Variants in TSC22D4 observed in about 807,000 individuals in gnomAD.
TSC22D4 encodes TSC22 domain family protein 4.
In TSC22D4, 5 loss-of-function variants were observed where a neutral mutation model predicts 24.9. The ratio of observed to expected loss-of-function variants is 0.20; its 90% CI spans 0.10 to 0.42. The LOEUF is 0.42. Among genes scored for constraint, TSC22D4 ranks in the 10% least tolerant of loss-of-function variants. The pLI, the probability that TSC22D4 is intolerant of heterozygous loss-of-function variation, is 1.00. For synonymous variants in TSC22D4, 245 were observed against 243.2 expected (o/e 1.01, Z -0.07); for missense variants, 469 against 547.9 (o/e 0.86, Z 1.44).
At position 100,474,381 on chromosome 7, in the gene TSC22D4, G is replaced by T. The variant is rs1331894027; in HGVS notation, c.822C>A (p.Ser274Arg). The change falls in exon 3 of 5, where the codon AGC becomes AGA. Residue 274 changes from serine (S) to arginine (R), a missense_variant. Coordinates refer to ENST00000300181, the MANE Select transcript of TSC22D4 (RefSeq NM_030935.5). This position sits in a 1 kb window ranked among gnomAD's most constrained non-coding sequence, Gnocchi z 4.3. ...SPALYFTHDA[S>R]LVHKSPDPFG... is the part of the protein sequence containing the mutation. ...AGGGGTCTGGAGATTTGTGAACCAG[G>T]CTGGCATCGTGGGTGAAGTAGAGGG... 1 of 1,614,034 alleles carries T rather than the reference G, an allele frequency of 6.2e-7. No homozygotes were observed. The highest frequency in any genetic ancestry group is 8.5e-7 in the Non-Finnish European group (1 of 1,180,036).
chr7:100,469,284 A>C (rs1455555358), intron 3 of TSC22D4, among the ~76,000 whole-genome samples: 1 of 150,628 alleles, frequency 6.6e-6, no homozygotes, highest in African/African-American at 2.4e-5. Context: ...GGGGTCTCAG[A>C]GGAAGCGAGG....
intron 3 of TSC22D4, among the ~76,000 whole-genome samples, chr7:100,469,255 G>T (rs1054123077): frequency 5.3e-5 from 8 of 151,146 alleles, no homozygotes; most frequent in Non-Finnish European, 7.4e-5. Context: ...AATCGCCTAT[G>T]GGCCTGGGAC....
rs1037199615 is a variant in TSC22D4 at position 100,478,155 on chromosome 7, C to T, written c.-117G>A. 3.3e-5 allele frequency: 27 copies of T among 827,450 alleles called. No homozygotes were observed. Among genetic ancestry groups the T allele is most frequent in the Non-Finnish European group, 4.4e-5 (25 of 564,226 alleles). 51.3% of individuals were successfully genotyped at this position (827,450 alleles called of 1,614,324 possible). A position where few individuals can be genotyped will look rare whatever the true frequency, so the allele number is the denominator to read the frequency against. ...GCGGGGACATCCGAGCCCCTGGGGACGTCTGGGTCCGACATGGCAGGAGGG... is the reference window on the plus strand; with the variant it reads ...GCGGGGACATCCGAGCCCCTGGGGATGTCTGGGTCCGACATGGCAGGAGGG... On this transcript the variant is annotated 5_prime_UTR_variant, in exon 2 of 5. Coordinates refer to ENST00000300181, the MANE Select transcript of TSC22D4 (RefSeq NM_030935.5).
intron 3 of TSC22D4, chr7:100,468,013 C>G (rs1309451426): frequency 1.7e-5 from 8 of 467,846 alleles, no homozygotes; most frequent in Admixed American, 1.0e-4. Context: ...GCCTGGGGGG[C>G]TCAGAGCCCC....
At chr7:100,468,166 T>C in intron 3 of TSC22D4, 2 of 298,876 alleles carry the variant, frequency 6.7e-6, no homozygotes, top group South Asian at 2.6e-5. Context: ...GGACCCCCCC[T>C]CCTTTCAGCT....
chr7:100,474,123 A>G lies in TSC22D4; in HGVS notation c.929+151T>C, dbSNP rs1799446358. The G allele has an allele frequency of 1.5e-5, 14 of 946,830 alleles. No individual in the cohort carries two copies. The highest frequency in any genetic ancestry group is 2.4e-5 in the Admixed American group (1 of 41,032). The allele number at this position is 946,830 out of a possible 1,614,324, so 58.7% of individuals were successfully genotyped here. A position where few individuals can be genotyped will look rare whatever the true frequency, so the allele number is the denominator to read the frequency against. ...AGTGGGTCCGAAATCAACTGTGTGC[A>G]GTGGCTATGCCCAGGCCAGGTTTCT... On this transcript the variant is annotated intron_variant, in intron 3 of 4. Coordinates refer to ENST00000300181, the MANE Select transcript of TSC22D4 (RefSeq NM_030935.5). The surrounding 1 kb of genome is among the most constrained non-coding windows in gnomAD (Gnocchi z 4.3).
rs774716563 is a variant in TSC22D4 at position 100,466,921 on chromosome 7, C to T, written c.*38G>A. 8.7e-6 allele frequency: 13 copies of T among 1,490,914 alleles called. No homozygotes were observed. The highest frequency in any genetic ancestry group is 4.6e-5 in the Admixed American group (2 of 43,948). The allele number at this position is 1,490,914 out of a possible 1,614,324, so 92.4% of individuals were successfully genotyped here. A position where few individuals can be genotyped will look rare whatever the true frequency, so the allele number is the denominator to read the frequency against. On this transcript the variant is annotated 3_prime_UTR_variant, in exon 5 of 5. Transcript: ENST00000300181. ...AGGGGGCAGGCGGCTGACGCAAGGC[C>T]GGGCAGCCCCAAAGGCACATTGTAA...
At position 100,467,475 on chromosome 7, in the gene TSC22D4, A is replaced by G. The variant is rs1002133679; in HGVS notation, c.978+77T>C. ...AGCTGGGAGTTGGTGTTCCCTGGTA[A>G]GGAAGAGGACAGGGCTGGGGCAGAG... On this transcript the variant is annotated intron_variant, in intron 4 of 4. Transcript: ENST00000300181. 8 of 1,495,662 alleles carry G rather than the reference A, an allele frequency of 5.3e-6. No individual in the cohort carries two copies. In the African/African-American group the frequency reaches 1.1e-4, roughly 21 times the overall value. The allele number at this position is 1,495,662 out of a possible 1,614,324, so 92.6% of individuals were successfully genotyped here. A position where few individuals can be genotyped will look rare whatever the true frequency, so the allele number is the denominator to read the frequency against.
chr7:100,469,948 G>C (rs139861643), intron 3 of TSC22D4, among the ~76,000 whole-genome samples: 57 of 152,160 alleles, frequency 3.7e-4, no homozygotes, highest in African/African-American at 1.3e-3. Flanking sequence ...AGGCCTGAGC[G>C]AGCAGGATGG....
At position 100,477,814 on chromosome 7, in the gene TSC22D4, C is replaced by T. The variant is rs1484192170; in HGVS notation, c.225G>A (p.Val75=). The change falls in exon 2 of 5, where the codon GTG becomes GTA. Residue 75 remains valine (V), a synonymous_variant. Transcript: ENST00000300181. This position sits in a 1 kb window ranked among gnomAD's most constrained non-coding sequence, Gnocchi z 7.8. Reference sequence around the variant, plus strand: ...GCTCTCCCAGGCCGTGGGGCAGCTTCACCACCCGGAAACGGGAGGAAGGGG... The same window carrying T: ...GCTCTCCCAGGCCGTGGGGCAGCTTTACCACCCGGAAACGGGAGGAAGGGG... ...PGAPSSRFRV[V]KLPHGLGEPY... 1.2e-6 allele frequency: 2 copies of T among 1,607,150 alleles called. No homozygotes were observed. The highest frequency in any genetic ancestry group is 1.7e-5 in the Admixed American group (1 of 59,792).
chr7:100,470,448 T>C (rs1584347970), intron 3 of TSC22D4, among the ~76,000 whole-genome samples: 1 of 152,140 alleles, frequency 6.6e-6, no homozygotes, highest in Non-Finnish European at 1.5e-5. Flanking sequence ...TGAGCCACCA[T>C]GCCCAGCTAA....
intron 3 of TSC22D4, among the ~76,000 whole-genome samples, chr7:100,471,867 G>T (rs1584348970): frequency 6.6e-6 from 1 of 152,132 alleles, no homozygotes; most frequent in Non-Finnish European, 1.5e-5. Context: ...CCGGACCCAA[G>T]GGAGGCACTG....
At chr7:100,470,624 CA>C (rs1799373959) in intron 3 of TSC22D4, among the ~76,000 whole-genome samples, 1 of 152,078 alleles carries the variant, frequency 6.6e-6, no homozygotes, top group Admixed American at 6.6e-5. Context: ...AACATTCTAA[CA>C]CACACTTCAA....
chr7:100,476,949 C>T (rs750491364), intron 2 of TSC22D4, among the ~76,000 whole-genome samples: 21 of 152,164 alleles, frequency 1.4e-4, no homozygotes, highest in Non-Finnish European at 2.5e-4. Flanking sequence ...CCTCCACCCT[C>T]ATCACCTAGA....
Position 100,477,721 on chromosome 7 carries a change from G to T in TSC22D4, c.318C>A (p.Gly106=). 6 of 1,600,572 alleles carry T rather than the reference G, an allele frequency of 3.7e-6. No individual in the cohort carries two copies. The South Asian group carries it at 5.5e-5, about 15-fold the overall frequency. The change falls in exon 2 of 5, where the codon GGC becomes GGA. Residue 106 remains glycine (G), a synonymous_variant. Transcript: ENST00000300181. The surrounding 1 kb of genome is among the most constrained non-coding windows in gnomAD (Gnocchi z 7.8). ...YERDLEPHSF[G]GLLEGIRGAS... The stretch of plus-strand genomic sequence containing the variant: ...CCCCTCGAATTCCCTCCAGGAGTCC[G>T]CCGAAGCTGTGGGGCTCCAGGTCTC...
Position 100,477,896 on chromosome 7 carries a change from G to C in TSC22D4, c.143C>G (p.Pro48Arg), listed in dbSNP as rs1174164581. The change falls in exon 2 of 5, where the codon CCC becomes CGC. Residue 48 changes from proline (P) to arginine (R), a missense_variant. Physicochemically the swap from Pro to Arg is moderately radical, Grantham distance 103. Transcript: ENST00000300181. This position sits in a 1 kb window ranked among gnomAD's most constrained non-coding sequence, Gnocchi z 7.8. ...GPPPRLPNGEPSPDPGGKGTP... is the reference protein window; with the variant it reads ...GPPPRLPNGERSPDPGGKGTP... ...GCCCTTGCCCCCCGGATCGGGGCTG[G>C]GCTCCCCATTGGGCAGGCGGGGCGG... 17 of 1,570,856 alleles carry C rather than the reference G, an allele frequency of 1.1e-5. No individual in the cohort carries two copies. The highest frequency in any genetic ancestry group is 1.3e-5 in the African/African-American group (1 of 74,272).
intron 3 of TSC22D4, among the ~76,000 whole-genome samples, chr7:100,470,304 C>T (rs928888106): frequency 6.6e-6 from 1 of 152,114 alleles, no homozygotes; most frequent in African/African-American, 2.4e-5. Context: ...TTCTGTTTGT[C>T]TAGCGCCTGG....
chr7:100,468,025 C>CG (rs754424800), intron 3 of TSC22D4: 1 of 455,742 alleles, frequency 2.2e-6, no homozygotes, highest in South Asian at 1.6e-5. Context: ...CAGAGCCCCC[C>CG]GGGCAGAGCA....
Position 100,466,962 on chromosome 7 carries a change from G to A in TSC22D4, c.1185C>T (p.Val395=), listed in dbSNP as rs1132386. Residue 395 remains valine (V), a synonymous_variant, in exon 5 of 5, where the codon GTC becomes GTT. Transcript: ENST00000300181. ...LGPPAPNGPS[V] is the part of the protein sequence containing the mutation. ...CACATTGTAAGGGAAGGGAGGCTCA[G>A]ACGGAGGGCCCATTGGGCGCAGGGG... The A allele has an allele frequency of 9.0e-6, 14 of 1,557,686 alleles. No individual in the cohort carries two copies. The East Asian group carries it at 3.3e-4, about 37-fold the overall frequency.
Sources: allele counts gnomAD v4.1 joint callset (sites outside exome capture counted in the v4.1 genomes callset), GRCh38; gene constraint gnomAD v4.1.1; non-coding constraint Gnocchi (gnomAD v3.1); transcripts MANE v1.5; gene names NCBI Gene and HGNC (gene_info 2026-07-23, HGNC 2026-07-21).